TBC1D22A: variants seen among roughly 807,000 people sequenced by gnomAD.
TBC1D22A encodes the protein TBC1 domain family member 22A, also known as putative GTPase activator.
A neutral mutation model predicts 60.2 loss-of-function variants in TBC1D22A; 38 were observed. That is an observed-to-expected ratio of 0.63 (90% confidence interval 0.49 to 0.83). TBC1D22A has a LOEUF of 0.83. TBC1D22A is among the 40% of genes least tolerant of loss of function. The pLI, the probability that TBC1D22A is intolerant of heterozygous loss-of-function variation, is 0.00. For missense variants in TBC1D22A, 628 were observed against 701.0 expected, an observed-to-expected ratio of 0.90 and a Z score of 1.18; for synonymous variants, 302 against 281.7, an observed-to-expected ratio of 1.07 and a Z score of -0.72.
intron 4 of TBC1D22A, among the ~76,000 whole-genome samples, chr22:46,826,861 G>A (rs1456819530): frequency 6.6e-6 from 1 of 152,162 alleles, no homozygotes; most frequent in Non-Finnish European, 1.5e-5. Flanking sequence ...TGTGGACGCT[G>A]TGCAGGACGG....
At chr22:46,983,326 G>A (rs915251351) in intron 9 of TBC1D22A, among the ~76,000 whole-genome samples, 3 of 152,236 alleles carry the variant, frequency 2.0e-5, no homozygotes, top group Non-Finnish European at 2.9e-5. Context: ...CCATTTAAGC[G>A]TCATGGGGAC....
chr22:47,092,037 G>A (rs555779374), intron 11 of TBC1D22A, among the ~76,000 whole-genome samples: 6 of 152,166 alleles, frequency 3.9e-5, no homozygotes, highest in Non-Finnish European at 7.3e-5. Flanking sequence ...GCTGAGGCAG[G>A]GACTTCAGTT....
rs11912699 is a variant in TBC1D22A at position 47,170,859 on chromosome 22, G to A, written c.1426-2639G>A. The stretch of plus-strand genomic sequence containing the variant: ...GTAACCCTCCTGATGCAGGACCGGA[G>A]AGAGGACAGTCCTGGTGTGTAACCC... On this transcript the variant is annotated intron_variant, in intron 12 of 12. Coordinates refer to ENST00000337137, the MANE Select transcript of TBC1D22A (RefSeq NM_014346.5). 1.4e-3 allele frequency among the ~76,000 whole-genome samples: 33 copies of A among 23,016 alleles called. 5 individuals carry two copies. Among genetic ancestry groups the A allele is most frequent in the East Asian group, 8.5e-3 (3 of 354 alleles). 15.1% of individuals were successfully genotyped at this position (23,016 alleles called of 152,430 possible). A position where few individuals can be genotyped will look rare whatever the true frequency, so the allele number is the denominator to read the frequency against.
chr22:47,141,065 G>A (rs1245431418), intron 12 of TBC1D22A, among the ~76,000 whole-genome samples: 1 of 152,220 alleles, frequency 6.6e-6, no homozygotes, highest in Admixed American at 6.5e-5. Context: ...GGCTGGGGAG[G>A]CCTCATAAAC....
At chr22:47,078,263 C>T (rs1341716812) in intron 11 of TBC1D22A, among the ~76,000 whole-genome samples, 1 of 152,176 alleles carries the variant, frequency 6.6e-6, no homozygotes, top group African/African-American at 2.4e-5. Context: ...CACTTCTCTT[C>T]CCTCTGCCCT....
At chr22:46,958,196 C>T (rs925161326) in intron 8 of TBC1D22A, among the ~76,000 whole-genome samples, 6 of 152,114 alleles carry the variant, frequency 3.9e-5, no homozygotes, top group Admixed American at 2.0e-4. Flanking sequence ...CCTGCTCTGG[C>T]GGTTGTGACC....
At chr22:46,769,929 T>C (rs2083430249) in intron 1 of TBC1D22A, among the ~76,000 whole-genome samples, 1 of 151,914 alleles carries the variant, frequency 6.6e-6, no homozygotes, top group Non-Finnish European at 1.5e-5. Flanking sequence ...GTCGAGGTGA[T>C]CTCCAGGGTG....
At chr22:46,899,668 A>G (rs1602376831) in intron 7 of TBC1D22A, among the ~76,000 whole-genome samples, 1 of 152,192 alleles carries the variant, frequency 6.6e-6, no homozygotes, top group East Asian at 1.9e-4. Flanking sequence ...TCATGGTCCA[A>G]GGTGGCTGGC....
At chr22:47,102,520 A>G (rs1483229283) in intron 11 of TBC1D22A, among the ~76,000 whole-genome samples, 1 of 152,228 alleles carries the variant, frequency 6.6e-6, no homozygotes, top group Non-Finnish European at 1.5e-5. Flanking sequence ...ATTATGCCTC[A>G]TTAAAGCAGA....
rs188203665 is a variant in TBC1D22A at position 47,049,795 on chromosome 22, C to T, written c.1329+12597C>T. Among the ~76,000 whole-genome samples, 11 of 152,206 alleles carry T rather than the reference C, an allele frequency of 7.2e-5. No individual in the cohort carries two copies. In the East Asian group the frequency reaches 1.9e-3, roughly 27 times the overall value. On this transcript the variant is annotated intron_variant, in intron 11 of 12. Transcript: ENST00000337137. ...GATCATAGTCTACTTAAATGTGGTGCGTGATTTTTCAGTGTATTTGTGACT... is the reference window on the plus strand; with the variant it reads ...GATCATAGTCTACTTAAATGTGGTGTGTGATTTTTCAGTGTATTTGTGACT...
intron 8 of TBC1D22A, among the ~76,000 whole-genome samples, chr22:46,948,903 C>G (rs1327128207): frequency 6.6e-6 from 1 of 152,180 alleles, no homozygotes. Flanking sequence ...TTACCTTATG[C>G]AGACTGAACA....
chr22:47,017,335 G>A (rs1317766930), intron 10 of TBC1D22A, among the ~76,000 whole-genome samples: 5 of 152,214 alleles, frequency 3.3e-5, no homozygotes, highest in Admixed American at 6.5e-5. Context: ...CACATGACCA[G>A]GTAGTAAGCC....
chr22:47,134,095 T>C (rs1268013410), intron 12 of TBC1D22A, among the ~76,000 whole-genome samples: 1 of 152,212 alleles, frequency 6.6e-6, no homozygotes, highest in East Asian at 1.9e-4. Flanking sequence ...GGGACTTTGC[T>C]GGCGTCTCTT....
At chr22:46,812,396 A>G (rs1381069124) in intron 4 of TBC1D22A, among the ~76,000 whole-genome samples, 1 of 152,176 alleles carries the variant, frequency 6.6e-6, no homozygotes, top group East Asian at 1.9e-4. Flanking sequence ...CTGAGGAGAC[A>G]CGGAGCACCC....
At chr22:46,776,257 TGAG>T (rs1208905256) in intron 1 of TBC1D22A, among the ~76,000 whole-genome samples, 1 of 151,838 alleles carries the variant, frequency 6.6e-6, no homozygotes, top group East Asian at 1.9e-4. Context: ...ACAGCCTGAG[TGAG>T]GAGGAGTACA....
intron 8 of TBC1D22A, among the ~76,000 whole-genome samples, chr22:46,934,216 TTTACC>T (rs1441212127): frequency 9.9e-5 from 15 of 152,240 alleles, no homozygotes; most frequent in Non-Finnish European, 1.9e-4. Context: ...AGGAATCTAC[TTTACC>T]TTGAAATTTT....
chr22:47,147,853 C>T (rs2067344097), intron 12 of TBC1D22A, among the ~76,000 whole-genome samples: 1 of 152,224 alleles, frequency 6.6e-6, no homozygotes. Flanking sequence ...GCTGTCGGTC[C>T]TGGGCAGAGG....
chr22:47,159,388 CCA>C (rs962435818), intron 12 of TBC1D22A, among the ~76,000 whole-genome samples: 1 of 151,510 alleles, frequency 6.6e-6, no homozygotes, highest in African/African-American at 2.4e-5. Context: ...CACAGACACA[CCA>C]CACACCACAC....
At chr22:46,812,272 T>G (rs1239786258) in intron 4 of TBC1D22A, among the ~76,000 whole-genome samples, 1 of 152,194 alleles carries the variant, frequency 6.6e-6, no homozygotes, top group Non-Finnish European at 1.5e-5. Context: ...TCTGCTCCCC[T>G]GCCGCTGCCT....
Sources: gnomAD v4.1 joint callset for allele counts (sites outside exome capture counted in the v4.1 genomes callset) on GRCh38, gnomAD v4.1.1 for gene constraint, MANE v1.5 for transcripts, NCBI Gene and HGNC (gene_info 2026-07-23, HGNC 2026-07-21) for gene names.